MPPED2: variants seen among roughly 807,000 people sequenced by gnomAD.
MPPED2 encodes the protein metallophosphoesterase MPPED2.
In MPPED2, 5 loss-of-function variants were observed where a neutral mutation model predicts 33.0. The ratio of observed to expected loss-of-function variants is 0.15; its 90% CI spans 0.08 to 0.32. The LOEUF (loss-of-function observed/expected upper bound fraction) is 0.32, where lower values mean the gene tolerates loss of function less well. MPPED2 is among the 10% of genes least tolerant of loss of function. The pLI, the probability that MPPED2 is intolerant of heterozygous loss-of-function variation, is 1.00. For synonymous variants in MPPED2, 136 were observed against 141.9 expected (o/e 0.96, Z 0.29); for missense variants, 275 against 372.1 (o/e 0.74, Z 2.15).
intron 4 of MPPED2, among the ~76,000 whole-genome samples, chr11:30,463,943 G>A (rs1273818613): frequency 6.6e-6 from 1 of 151,082 alleles, no homozygotes; most frequent in Non-Finnish European, 1.5e-5. Context: ...TATAGGTCAG[G>A]GAAGAGCTAG....
chr11:30,541,793 T>C (rs1322684636), intron 2 of MPPED2, among the ~76,000 whole-genome samples: 4 of 152,194 alleles, frequency 2.6e-5, no homozygotes, highest in Non-Finnish European at 5.9e-5. Context: ...GGTTTCACCA[T>C]GTTGGCCAGG....
chr11:30,579,220 T>C (rs1957060046), intron 2 of MPPED2, among the ~76,000 whole-genome samples: 1 of 151,928 alleles, frequency 6.6e-6, no homozygotes, highest in Non-Finnish European at 1.5e-5. Context: ...GGTGTCCTAC[T>C]ATTTTTTTTT....
intron 2 of MPPED2, among the ~76,000 whole-genome samples, chr11:30,539,168 C>T (rs1954969241): frequency 6.6e-6 from 1 of 152,158 alleles, no homozygotes; most frequent in African/African-American, 2.4e-5. Flanking sequence ...CAAACATTTT[C>T]ACTATAAAAG....
At chr11:30,456,372 A>G (rs1301856693) in intron 4 of MPPED2, among the ~76,000 whole-genome samples, 3 of 152,228 alleles carry the variant, frequency 2.0e-5, no homozygotes, top group African/African-American at 7.2e-5. Context: ...ACACATGGCA[A>G]TGAGCAGAAG....
chr11:30,550,154 C>T lies in MPPED2; in HGVS notation c.129-13979G>A, dbSNP rs569631845. ...AATTTGATTAGCACTGGGGCTGGCG[C>T]TGTTCCGTGGAGGCAATGTGATTCC... On this transcript the variant is annotated intron_variant, in intron 2 of 6. Coordinates refer to ENST00000358117, the MANE Select transcript of MPPED2 (RefSeq NM_001584.3). Among the ~76,000 whole-genome samples, 35 of 152,300 alleles carry T rather than the reference C, an allele frequency of 2.3e-4. 1 individual carries two copies. In the South Asian group the frequency reaches 6.8e-3, roughly 30 times the overall value.
At chr11:30,576,633 G>A (rs1956941872) in intron 2 of MPPED2, among the ~76,000 whole-genome samples, 1 of 151,862 alleles carries the variant, frequency 6.6e-6, no homozygotes, top group Admixed American at 6.6e-5. Flanking sequence ...ACCTACATTG[G>A]CTCCTTCAGC....
intron 4 of MPPED2, among the ~76,000 whole-genome samples, chr11:30,483,721 T>C (rs905868839): frequency 3.9e-5 from 6 of 152,198 alleles, no homozygotes; most frequent in African/African-American, 1.2e-4. Flanking sequence ...CATTTTTTTT[T>C]CCTGAGTGTC....
intron 4 of MPPED2, among the ~76,000 whole-genome samples, chr11:30,480,721 T>G (rs533640972): frequency 2.6e-5 from 4 of 152,244 alleles, no homozygotes; most frequent in Non-Finnish European, 4.4e-5. Context: ...AAAGACAACT[T>G]CCAATAAAAA....
intron 3 of MPPED2, among the ~76,000 whole-genome samples, chr11:30,502,449 C>T (rs777431595): frequency 2.0e-5 from 3 of 152,164 alleles, no homozygotes; most frequent in Non-Finnish European, 4.4e-5. Flanking sequence ...CAGCCTCATG[C>T]TGTAACAATT....
At chr11:30,429,508 C>T (rs1216586306) in intron 4 of MPPED2, among the ~76,000 whole-genome samples, 2 of 152,222 alleles carry the variant, frequency 1.3e-5, no homozygotes, top group Non-Finnish European at 2.9e-5. Context: ...AAAGCTTAGA[C>T]TGCCCTTCAA....
At chr11:30,478,751 A>C (rs1490126489) in intron 4 of MPPED2, among the ~76,000 whole-genome samples, 1 of 152,138 alleles carries the variant, frequency 6.6e-6, no homozygotes, top group Admixed American at 6.5e-5. Flanking sequence ...TTATAGGTAA[A>C]ATTTATGAAC....
chr11:30,424,934 T>C (rs1948764846), intron 4 of MPPED2, among the ~76,000 whole-genome samples: 1 of 152,208 alleles, frequency 6.6e-6, no homozygotes, highest in Non-Finnish European at 1.5e-5. Flanking sequence ...TTGCAGCTGC[T>C]TGGGAAGCCT....
At chr11:30,578,908 G>T (rs1421634984) in intron 2 of MPPED2, among the ~76,000 whole-genome samples, 3 of 151,656 alleles carry the variant, frequency 2.0e-5, no homozygotes, top group Admixed American at 6.6e-5. Context: ...TCATGTTAGC[G>T]ATCCTTCATA....
chr11:30,460,493 T>G (rs1171421180), intron 4 of MPPED2, among the ~76,000 whole-genome samples: 2 of 152,136 alleles, frequency 1.3e-5, no homozygotes, highest in African/African-American at 2.4e-5. Context: ...GGAATGGTGG[T>G]GCACCTGTAG....
chr11:30,402,128 G>A (rs1445078080), intron 6 of MPPED2, among the ~76,000 whole-genome samples: 1 of 152,144 alleles, frequency 6.6e-6, no homozygotes, highest in African/African-American at 2.4e-5. Context: ...CCAAAGTGGT[G>A]GTGATGAAGG....
intron 4 of MPPED2, among the ~76,000 whole-genome samples, chr11:30,452,411 A>T (rs1950101608): frequency 6.6e-6 from 1 of 152,202 alleles, no homozygotes; most frequent in Non-Finnish European, 1.5e-5. Flanking sequence ...CCATTCCCAC[A>T]GCACTCTGAC....
At chr11:30,405,502 T>C (rs1947975414), downstream of MPPED2, among the ~76,000 whole-genome samples, 1 of 152,196 alleles carries the variant, frequency 6.6e-6, no homozygotes, top group African/African-American at 2.4e-5. Flanking sequence ...CAGATATAGA[T>C]GCTGTCAGAT....
At chr11:30,574,832 A>G (rs1956853608) in intron 2 of MPPED2, among the ~76,000 whole-genome samples, 1 of 152,224 alleles carries the variant, frequency 6.6e-6, no homozygotes, top group African/African-American at 2.4e-5. Flanking sequence ...AATTCAAATT[A>G]TATGAAAGTA....
At chr11:30,478,148 C>T (rs540577017) in intron 4 of MPPED2, among the ~76,000 whole-genome samples, 71 of 152,136 alleles carry the variant, frequency 4.7e-4, no homozygotes, top group African/African-American at 1.7e-3. Flanking sequence ...AGTTTCAACT[C>T]CCCTCCAAAA....
Sources: gnomAD v4.1 joint callset for allele counts (sites outside exome capture counted in the v4.1 genomes callset) on GRCh38, gnomAD v4.1.1 for gene constraint, MANE v1.5 for transcripts, NCBI Gene and HGNC (gene_info 2026-07-23, HGNC 2026-07-21) for gene names.